BAIAP2L1: variants seen among roughly 807,000 people sequenced by gnomAD.
BAIAP2L1 encodes the protein BAR/IMD domain-containing adapter protein 2-like 1.
In BAIAP2L1, 35 loss-of-function variants were observed where a neutral mutation model predicts 66.3. That is an observed-to-expected ratio of 0.53 (90% CI 0.40 to 0.70). The LOEUF (loss-of-function observed/expected upper bound fraction) is 0.70, where lower values mean the gene tolerates loss of function less well. Ranked by LOEUF, BAIAP2L1 falls within the 30% of genes least tolerant of loss-of-function variation. BAIAP2L1 has a pLI of 0.00. For missense variants in BAIAP2L1, 622 were observed against 656.9 expected (o/e 0.95, Z 0.58); for synonymous variants, 269 against 248.7 (o/e 1.08, Z -0.77).
chr7:98,321,651 G>A (rs1350787856), intron 3 of BAIAP2L1, among the ~76,000 whole-genome samples: 6 of 152,204 alleles, frequency 3.9e-5, no homozygotes, highest in Admixed American at 2.6e-4. Flanking sequence ...CAACTTATCT[G>A]CAGGAACCAA....
chr7:98,345,512 G>GCC (rs1801850488), intron 3 of BAIAP2L1, among the ~76,000 whole-genome samples: 1 of 152,090 alleles, frequency 6.6e-6, no homozygotes, highest in African/African-American at 2.4e-5. Context: ...ATCACCTGAG[G>GCC]TAAGGAGTTT....
At chr7:98,305,760 G>A (rs886405725) in intron 11 of BAIAP2L1, among the ~76,000 whole-genome samples, 2 of 152,162 alleles carry the variant, frequency 1.3e-5, no homozygotes, top group Non-Finnish European at 2.9e-5. Context: ...CCACCTCATG[G>A]GTCTGCTGTG....
chr7:98,338,204 G>A (rs982849094), intron 3 of BAIAP2L1, among the ~76,000 whole-genome samples: 4 of 152,154 alleles, frequency 2.6e-5, no homozygotes, highest in Admixed American at 6.5e-5. Context: ...AGGCCGAGGC[G>A]GGTGGATCAC....
chr7:98,311,817 A>G (rs1239146108), intron 8 of BAIAP2L1, among the ~76,000 whole-genome samples: 5 of 152,058 alleles, frequency 3.3e-5, no homozygotes, highest in African/African-American at 1.2e-4. Flanking sequence ...GAGGCAGGAG[A>G]ATCACTTGAA....
At chr7:98,304,503 CACACACACAG>C (rs1438655653) in intron 11 of BAIAP2L1, 127 bp from the exon 12 acceptor site, 4 of 935,334 alleles carry the variant, frequency 4.3e-6, no homozygotes, top group African/African-American at 1.8e-5. Context: ...ATCTTGATCT[CACACACACAG>C]ACACACACAG....
intron 7 of BAIAP2L1, among the ~76,000 whole-genome samples, chr7:98,312,969 G>A (rs1268284908): frequency 6.6e-6 from 1 of 152,194 alleles, no homozygotes; most frequent in Non-Finnish European, 1.5e-5. Context: ...GAGCACTCTG[G>A]TTGGGAAAGG....
chr7:98,388,067 G>GT (rs2115831143), intron 1 of BAIAP2L1, among the ~76,000 whole-genome samples: 1 of 152,194 alleles, frequency 6.6e-6, no homozygotes, highest in Non-Finnish European at 1.5e-5. Context: ...AATGCTCTTG[G>GT]TGGGGGTGGG....
intron 3 of BAIAP2L1, among the ~76,000 whole-genome samples, chr7:98,351,443 G>A (rs1460660217): frequency 1.3e-5 from 2 of 152,176 alleles, no homozygotes; most frequent in African/African-American, 4.8e-5. Context: ...AGCTTTGCTA[G>A]CAGCTGGGTC....
intron 1 of BAIAP2L1, among the ~76,000 whole-genome samples, chr7:98,363,038 T>TC (rs1802309926): frequency 7.0e-6 from 1 of 142,966 alleles, no homozygotes; most frequent in African/African-American, 2.6e-5. Flanking sequence ...TTTTTTTTTT[T>TC]TTTTTTTTTT....
intron 12 of BAIAP2L1, among the ~76,000 whole-genome samples, chr7:98,297,749 G>A (rs1440796828): frequency 6.6e-5 from 10 of 152,234 alleles, no homozygotes; most frequent in Admixed American, 6.5e-4. Flanking sequence ...CCCATGTTGT[G>A]ACGCAAACGA....
At chr7:98,376,409 G>C (rs532809375) in intron 1 of BAIAP2L1, among the ~76,000 whole-genome samples, 1 of 152,144 alleles carries the variant, frequency 6.6e-6, no homozygotes, top group African/African-American at 2.4e-5. Flanking sequence ...CTACTTAGAG[G>C]CTGAGATGGG....
intron 3 of BAIAP2L1, among the ~76,000 whole-genome samples, chr7:98,335,804 C>A (rs1433792488): frequency 6.6e-6 from 1 of 152,152 alleles, no homozygotes; most frequent in Admixed American, 6.6e-5. Context: ...CAGCTTCAGT[C>A]CCATTCTTGA....
At chr7:98,314,685 G>A (rs746400276) in intron 7 of BAIAP2L1, among the ~76,000 whole-genome samples, 17 of 152,118 alleles carry the variant, frequency 1.1e-4, no homozygotes, top group East Asian at 3.9e-4. Flanking sequence ...GTCCTGATGC[G>A]CGTGAATGGG....
chr7:98,364,926 GCAGT>G (rs1404399770), intron 1 of BAIAP2L1, among the ~76,000 whole-genome samples: 4 of 136,152 alleles, frequency 2.9e-5, no homozygotes, highest in Non-Finnish European at 4.6e-5. Context: ...GTTTGAGGCT[GCAGT>G]TAGTTGTGAC....
chr7:98,399,074 G>C (rs190867488), intron 1 of BAIAP2L1, among the ~76,000 whole-genome samples: 2 of 152,120 alleles, frequency 1.3e-5, no homozygotes, highest in African/African-American at 2.4e-5. Context: ...TACACACTTG[G>C]TCAGTACCCC....
At chr7:98,390,180 G>A (rs1802999501) in intron 1 of BAIAP2L1, among the ~76,000 whole-genome samples, 1 of 151,714 alleles carries the variant, frequency 6.6e-6, no homozygotes, top group Admixed American at 6.6e-5. Context: ...CTCCCAAAGT[G>A]CTGGGATTAC....
chr7:98,366,482 T>C (rs1031098065), intron 1 of BAIAP2L1, among the ~76,000 whole-genome samples: 20 of 152,270 alleles, frequency 1.3e-4, no homozygotes, highest in African/African-American at 4.3e-4. Context: ...TTTCCCCAGG[T>C]TCTTCAGGCT....
intron 10 of BAIAP2L1, 39 bp downstream of exon 10, chr7:98,307,650 C>T (rs1479910826): frequency 1.3e-5 from 21 of 1,608,130 alleles, no homozygotes; most frequent in African/African-American, 4.0e-5. Flanking sequence ...AGGGAGGGGC[C>T]GTCTGGTGCC....
chr7:98,345,611 G>A (rs1049829396), intron 3 of BAIAP2L1, among the ~76,000 whole-genome samples: 1 of 152,048 alleles, frequency 6.6e-6, no homozygotes, highest in Non-Finnish European at 1.5e-5. Context: ...TGTAGTCCCA[G>A]CTACTCGGGA....
Sources: gnomAD v4.1 joint callset for allele counts (sites outside exome capture counted in the v4.1 genomes callset) on GRCh38, gnomAD v4.1.1 for gene constraint, MANE v1.5 for transcripts, NCBI Gene and HGNC (gene_info 2026-07-23, HGNC 2026-07-21) for gene names.